LNPEP: variants seen among roughly 807,000 people sequenced by gnomAD.
LNPEP encodes the protein leucyl and cystinyl aminopeptidase.
LNPEP carries 64 observed loss-of-function variants against 120.6 expected under a neutral mutation model. The ratio of observed to expected loss-of-function variants is 0.53; its 90% confidence interval spans 0.43 to 0.65. LNPEP has a LOEUF of 0.65. LNPEP is among the 30% of genes least tolerant of loss of function. The pLI, the probability that LNPEP is intolerant of heterozygous loss-of-function variation, is 0.00. For missense variants in LNPEP, 1,057 were observed against 1,200.0 expected, an observed-to-expected ratio of 0.88 and a Z score of 1.76; for synonymous variants, 435 against 425.4, an observed-to-expected ratio of 1.02 and a Z score of -0.28.
intron 2 of LNPEP, 56 bp from the exon 3 acceptor site, chr5:96,985,024 G>A: frequency 6.3e-7 from 1 of 1,577,636 alleles, no homozygotes. Context: ...ACTTGGCAGG[G>A]TGCCTTGTAC....
intron 7 of LNPEP, among the ~76,000 whole-genome samples, chr5:96,996,849 T>A (rs1790527775): frequency 6.6e-6 from 1 of 152,066 alleles, no homozygotes; most frequent in South Asian, 2.1e-4. Context: ...AATTTTTTTA[T>A]CCTGTGTAAA....
chr5:97,032,731 T>G lies in LNPEP; in HGVS notation c.*4198T>G, dbSNP rs898122242. 6.6e-6 allele frequency: 1 copy of G among 152,230 alleles called. No homozygotes were observed. The highest frequency in any genetic ancestry group is 1.5e-5 in the Non-Finnish European group (1 of 68,036). The allele number at this position is 152,230 out of a possible 1,614,324, so 9.4% of individuals were successfully genotyped here. A position where few individuals can be genotyped will look rare whatever the true frequency, so the allele number is the denominator to read the frequency against. The stretch of plus-strand genomic sequence containing the variant: ...CTATTTTGTGTTATTTCATTTTGTA[T>G]TTCATTCATCCATTTTGTGGACGTG... On this transcript the variant is annotated 3_prime_UTR_variant, in exon 18 of 18. Transcript: ENST00000231368.
intron 11 of LNPEP, among the ~76,000 whole-genome samples, chr5:97,011,841 T>C (rs1790936138): frequency 6.6e-6 from 1 of 152,256 alleles, no homozygotes; most frequent in South Asian, 2.1e-4. Context: ...TGTTAAGACA[T>C]GATCAGAATG....
intron 1 of LNPEP, among the ~76,000 whole-genome samples, chr5:96,940,457 C>G (rs1334802681): frequency 6.7e-6 from 1 of 148,884 alleles, no homozygotes; most frequent in Non-Finnish European, 1.5e-5. Flanking sequence ...AAAAAAAACC[C>G]ACAACCTCGT....
chr5:97,003,473 C>T lies in LNPEP; in HGVS notation c.1712C>T (p.Ala571Val), dbSNP rs763161479. The T allele has an allele frequency of 6.2e-7, 1 of 1,601,458 alleles. No homozygotes were observed. The highest frequency in any genetic ancestry group is 8.5e-7 in the Non-Finnish European group (1 of 1,170,648). The change falls in exon 9 of 18, where the codon GCT becomes GTT. Residue 571 changes from alanine to valine, a missense_variant. Physicochemically the swap from Ala to Val is moderately conservative, Grantham distance 64 (BLOSUM62 0). Coordinates refer to ENST00000231368, the MANE Select transcript of LNPEP (RefSeq NM_005575.3). ...TYLSEDVFQH[A>V]VVLYLHNHSY... is the part of the protein sequence containing the mutation. Reference sequence around the variant, plus strand: ...CTTAGTGAAGATGTGTTTCAACATGCTGTTGTCCTTTACCTGCATAATCAC... The same window carrying T: ...CTTAGTGAAGATGTGTTTCAACATGTTGTTGTCCTTTACCTGCATAATCAC...
At chr5:97,011,118 G>T in intron 11 of LNPEP, 1 of 985,256 alleles carries the variant, frequency 1.0e-6, no homozygotes, top group African/African-American at 1.7e-5. Flanking sequence ...AATGTTTTCT[G>T]CATCCATCTA....
intron 2 of LNPEP, among the ~76,000 whole-genome samples, chr5:96,984,169 G>A (rs1430375112): frequency 6.6e-6 from 1 of 152,130 alleles, no homozygotes; most frequent in Non-Finnish European, 1.5e-5. Flanking sequence ...ACTGGGAAGA[G>A]ACTTTTTATT....
At chr5:97,027,704 T>A in intron 16 of LNPEP, 29 bp from the exon 17 acceptor site, 1 of 1,429,930 alleles carries the variant, frequency 7.0e-7, no homozygotes, top group Non-Finnish European at 9.9e-7. Flanking sequence ...CTGCCTAATC[T>A]TTTTGCTCTT....
chr5:96,991,583 T>C (rs1189911275), intron 4 of LNPEP, among the ~76,000 whole-genome samples: 2 of 152,220 alleles, frequency 1.3e-5, no homozygotes, highest in African/African-American at 2.4e-5. Flanking sequence ...TTTTTCCAAA[T>C]GCTTGTTGTC....
At chr5:96,994,158 A>G (rs1011481486) in intron 6 of LNPEP, among the ~76,000 whole-genome samples, 187 bp downstream of exon 6, 6 of 152,164 alleles carry the variant, frequency 3.9e-5, no homozygotes, top group East Asian at 1.9e-4. Context: ...TTGACTTTAC[A>G]GGTTAAAGCA....
At chr5:97,018,899 T>C (rs1436162291) in intron 13 of LNPEP, among the ~76,000 whole-genome samples, 1 of 152,226 alleles carries the variant, frequency 6.6e-6, no homozygotes, top group African/African-American at 2.4e-5. Context: ...TGTTAAATTG[T>C]TCACATCTGA....
rs1046635181 is a variant in LNPEP at position 97,010,630 on chromosome 5, C to T, written c.2036-3018C>T. On this transcript the variant is annotated intron_variant, in intron 11 of 17. Transcript: ENST00000231368. Reference sequence around the variant, plus strand: ...GTAAAACAGTAGTTGATTTTCGTAGCTCATTGACAAATGGTTTTTAAAAAT... The same window carrying T: ...GTAAAACAGTAGTTGATTTTCGTAGTTCATTGACAAATGGTTTTTAAAAAT... The T allele has an allele frequency of 1.0e-5, 10 of 984,818 alleles. No individual in the cohort carries two copies. In the African/African-American group the frequency reaches 1.6e-4, roughly 15 times the overall value. The allele number at this position is 984,818 out of a possible 1,614,324, so 61.0% of individuals were successfully genotyped here.
intron 11 of LNPEP, among the ~76,000 whole-genome samples, chr5:97,012,042 CAT>C (rs1380475736): frequency 6.6e-6 from 1 of 152,010 alleles, no homozygotes; most frequent in Admixed American, 6.5e-5. Context: ...AGGTTGAAAA[CAT>C]ATTTATAAAG....
intron 16 of LNPEP, among the ~76,000 whole-genome samples, chr5:97,027,334 C>T (rs1396864411): frequency 6.6e-6 from 1 of 150,740 alleles, no homozygotes; most frequent in Non-Finnish European, 1.5e-5. Flanking sequence ...GCCTAGGCAA[C>T]AGGGCGAGAC....
intron 1 of LNPEP, among the ~76,000 whole-genome samples, chr5:96,977,260 T>G (rs1006040207): frequency 5.9e-5 from 9 of 152,082 alleles, no homozygotes; most frequent in Non-Finnish European, 1.5e-5. Flanking sequence ...ATAACTTTTC[T>G]TAATTTGTGT....
chr5:97,025,998 A>G (rs1252870925), intron 15 of LNPEP, among the ~76,000 whole-genome samples: 2 of 152,090 alleles, frequency 1.3e-5, no homozygotes, highest in African/African-American at 4.8e-5. Flanking sequence ...AGTAGATGAG[A>G]ACTGCTTTTG....
chr5:96,995,262 T>C (rs27436), intron 6 of LNPEP, among the ~76,000 whole-genome samples: 90,035 of 151,952 alleles, frequency 0.59, 26,754 homozygotes, highest in Middle Eastern at 0.7. Flanking sequence ...TTTAAAATAA[T>C]ATCTTAGAAA....
chr5:97,007,961 T>C (rs1484973710), intron 11 of LNPEP, among the ~76,000 whole-genome samples: 1 of 152,200 alleles, frequency 6.6e-6, no homozygotes, highest in East Asian at 1.9e-4. Context: ...AGTTTTACCA[T>C]AGTGGAGTGT....
intron 2 of LNPEP, among the ~76,000 whole-genome samples, chr5:96,982,014 G>A (rs1790138495): frequency 6.6e-6 from 1 of 152,120 alleles, no homozygotes; most frequent in African/African-American, 2.4e-5. Flanking sequence ...GAACTGAAGG[G>A]CTGGAAACTG....
Sources: gnomAD v4.1 joint callset for allele counts (sites outside exome capture counted in the v4.1 genomes callset) on GRCh38, gnomAD v4.1.1 for gene constraint, MANE v1.5 for transcripts, NCBI Gene and HGNC (gene_info 2026-07-23, HGNC 2026-07-21) for gene names.